Variants in CNNM1 observed in about 807,000 individuals in gnomAD.
CNNM1 encodes the protein metal transporter CNNM1.
A neutral mutation model predicts 78.8 loss-of-function variants in CNNM1; 44 were observed. The observed-to-expected ratio is 0.56, with a 90% CI of 0.44 to 0.72. The LOEUF (loss-of-function observed/expected upper bound fraction) is 0.72, where lower values mean the gene tolerates loss of function less well. CNNM1 is among the 30% of genes least tolerant of loss of function. The pLI, the probability that CNNM1 is intolerant of heterozygous loss-of-function variation, is 0.00. For missense variants in CNNM1, 1,101 were observed against 1,292.2 expected, an observed-to-expected ratio of 0.85 and a Z score of 2.27; for synonymous variants, 584 against 581.5, an observed-to-expected ratio of 1.00 and a Z score of -0.06.
rs144852175 is a variant in CNNM1 at position 99,351,652 on chromosome 10, C to A, written c.1574-5860C>A. ...TCCTGCCTGTGATAAAGCCCTCATC[C>A]CTGTTCACCATTTCCGCCTGCACAA... On this transcript the variant is annotated intron_variant, in intron 1 of 10. Coordinates refer to ENST00000356713, the MANE Select transcript of CNNM1 (RefSeq NM_020348.3). 1.5e-4 allele frequency among the ~76,000 whole-genome samples: 23 copies of A among 152,276 alleles called. No individual in the cohort carries two copies. In the East Asian group the frequency reaches 4.2e-3, roughly 28 times the overall value.
At position 99,358,807 on chromosome 10, in the gene CNNM1, T is replaced by TG. The variant is rs1405947913; in HGVS notation, c.1717+1155dup. ...TGATTTAGAATTCTCAGGTGTAGCC[T>TG]GGGCAACATGGTGAAACCCCATCTC... is the stretch of plus-strand genomic sequence containing the variant. On this transcript the variant is annotated intron_variant, in intron 2 of 10. Coordinates refer to ENST00000356713, the MANE Select transcript of CNNM1 (RefSeq NM_020348.3). Among the ~76,000 whole-genome samples the TG allele has an allele frequency of 3.9e-5, 6 of 152,142 alleles. No homozygotes were observed. The South Asian group carries it at 1.2e-3, about 32-fold the overall frequency.
intron 1 of CNNM1, among the ~76,000 whole-genome samples, chr10:99,336,459 C>G (rs2030192577): frequency 6.6e-6 from 1 of 152,206 alleles, no homozygotes. Context: ...ATGAATTTCT[C>G]AGAGAGTGTC....
chr10:99,335,031 C>A (rs1347862525), intron 1 of CNNM1, among the ~76,000 whole-genome samples: 6 of 152,232 alleles, frequency 3.9e-5, no homozygotes, highest in Non-Finnish European at 7.3e-5. Context: ...CCCTGCTACA[C>A]CTGTCTTATT....
At position 99,372,972 on chromosome 10, in the gene CNNM1, A is replaced by G. The variant is rs76982491; in HGVS notation, c.2177-4083A>G. On this transcript the variant is annotated intron_variant, in intron 6 of 10. Coordinates refer to ENST00000356713, the MANE Select transcript of CNNM1 (RefSeq NM_020348.3). ...CATTGTTTTTACTTTAAAAAAAAAG[A>G]CATGTTTTTCCTCCTCCCAGCACAA... 1.6e-4 allele frequency among the ~76,000 whole-genome samples: 24 copies of G among 152,202 alleles called. No individual in the cohort carries two copies. In the East Asian group the frequency reaches 4.0e-3, roughly 26 times the overall value.
At chr10:99,383,668 G>C (rs114834475) in intron 7 of CNNM1, among the ~76,000 whole-genome samples, 2 of 152,326 alleles carry the variant, frequency 1.3e-5, no homozygotes, top group Non-Finnish European at 2.9e-5. Flanking sequence ...CCCTTAAACA[G>C]GTATGGAAGG....
intron 2 of CNNM1, among the ~76,000 whole-genome samples, chr10:99,359,024 A>T (rs938904590): frequency 2.0e-5 from 3 of 150,648 alleles, no homozygotes; most frequent in Admixed American, 6.6e-5. Flanking sequence ...AAAAAAAAAA[A>T]AAAAAAAAAA....
intron 3 of CNNM1, among the ~76,000 whole-genome samples, chr10:99,361,216 G>A (rs2031421862): frequency 6.6e-6 from 1 of 152,182 alleles, no homozygotes; most frequent in Admixed American, 6.5e-5. Context: ...CCAGAGAAAA[G>A]AGCTAAAGAA....
intron 6 of CNNM1, chr10:99,368,267 C>T: frequency 4.0e-6 from 1 of 250,390 alleles, no homozygotes; most frequent in Non-Finnish European, 8.0e-6. Context: ...GAATGCAGCG[C>T]TGGGCTCCCA....
rs2032362924 is a variant in CNNM1 at position 99,388,070 on chromosome 10, C to G, written c.2524+67C>G. ...GTGAGGATGACCCTGCCTTCCTCTT[C>G]TAGCCCTTCCCAGGGCTCACACCAC... is the stretch of plus-strand genomic sequence containing the variant. On this transcript the variant is annotated intron_variant, in intron 8 of 10. Transcript: ENST00000356713. The G allele has an allele frequency of 3.8e-6, 6 of 1,590,324 alleles. No individual in the cohort carries two copies. In the East Asian group the frequency reaches 1.3e-4, roughly 36 times the overall value.
chr10:99,364,400 C>CT lies in CNNM1; in HGVS notation c.2029-5dup, dbSNP rs368559277. The CT allele has an allele frequency of 0.086, 90,890 of 1,062,198 alleles. 1 individual carries two copies. Among genetic ancestry groups the CT allele is most frequent in the Non-Finnish European group, 0.097 (73,049 of 751,670 alleles). 65.8% of individuals were successfully genotyped at this position (1,062,198 alleles called of 1,614,324 possible). A position where few individuals can be genotyped will look rare whatever the true frequency, so the allele number is the denominator to read the frequency against. ...CTCATACACATTCATAGTACACTTC[C>CT]TTTTTTTTTTTTCCAGGGTAAAGTG... On this transcript the variant is annotated splice_polypyrimidine_tract_variant and intron_variant, in intron 4 of 10. Transcript: ENST00000356713.
intron 1 of CNNM1, among the ~76,000 whole-genome samples, chr10:99,356,484 GAA>G (rs1431792661): frequency 2.1e-5 from 1 of 47,462 alleles, no homozygotes; most frequent in African/African-American, 1.1e-4. Context: ...CAGAAAGAAA[GAA>G]AGAGAGAGAG....
chr10:99,362,562 C>T (rs941839964), intron 4 of CNNM1, among the ~76,000 whole-genome samples, 166 bp downstream of exon 4: 1 of 152,172 alleles, frequency 6.6e-6, no homozygotes, highest in Non-Finnish European at 1.5e-5. Flanking sequence ...GGGGCCTAGA[C>T]ATGGAAGACT....
At chr10:99,350,203 C>T (rs1481694227) in intron 1 of CNNM1, among the ~76,000 whole-genome samples, 1 of 152,144 alleles carries the variant, frequency 6.6e-6, no homozygotes, top group Non-Finnish European at 1.5e-5. Flanking sequence ...ACACTCAATG[C>T]TGTCTACCAA....
In CNNM1 at chr10:99,377,164, C is replaced by T. The variant is rs374569554; in HGVS notation, c.2286C>T (p.Asn762=). 1.2e-4 allele frequency: 190 copies of T among 1,613,656 alleles called. 1 individual carries two copies. The South Asian group carries it at 1.9e-3, about 16-fold the overall frequency. The change falls in exon 7 of 11, where the codon AAC becomes AAT. Residue 762 remains asparagine, a synonymous_variant. Coordinates refer to ENST00000356713, the MANE Select transcript of CNNM1 (RefSeq NM_020348.3). ...SNTQLYSSSN[N]LYMPDYSVHI... ...CCCAGCTGTACAGCAGCAGCAACAA[C>T]CTCTACATGCCTGACTACTCAGTCC...
chr10:99,348,338 G>A (rs936718197), intron 1 of CNNM1, among the ~76,000 whole-genome samples: 3 of 152,098 alleles, frequency 2.0e-5, no homozygotes, highest in African/African-American at 2.4e-5. Flanking sequence ...AAGCCACGGC[G>A]CCCAGCCTTA....
At chr10:99,339,178 G>C (rs1008945701) in intron 1 of CNNM1, among the ~76,000 whole-genome samples, 24 of 152,172 alleles carry the variant, frequency 1.6e-4, no homozygotes, top group African/African-American at 5.5e-4. Flanking sequence ...TGCTCCACCT[G>C]TACACTAGCA....
Position 99,388,425 on chromosome 10 carries a change from C to T in CNNM1, c.2674+124C>T, listed in dbSNP as rs115928391. The T allele has an allele frequency of 5.8e-4, 614 of 1,061,246 alleles. 2 individuals carry two copies. In the African/African-American group the frequency reaches 9.0e-3, roughly 16 times the overall value. 65.7% of individuals were successfully genotyped at this position (1,061,246 alleles called of 1,614,324 possible). A position where few individuals can be genotyped will look rare whatever the true frequency, so the allele number is the denominator to read the frequency against. ...GCAGCCCGTGCGTTAAACCTCCGAC[C>T]TCCTTACACAGCCAGGGAAAGGAAA... On this transcript the variant is annotated intron_variant, in intron 9 of 10. Coordinates refer to ENST00000356713, the MANE Select transcript of CNNM1 (RefSeq NM_020348.3).
At chr10:99,343,720 G>GT (rs746730524) in intron 1 of CNNM1, among the ~76,000 whole-genome samples, 1 of 150,990 alleles carries the variant, frequency 6.6e-6, no homozygotes, top group African/African-American at 2.5e-5. Context: ...GTTTTGTTTT[G>GT]TTTTTTTGTT....
rs1370688120 is a variant in CNNM1, at chr10:99,348,048, A to T, written c.1574-9464A>T. Among the ~76,000 whole-genome samples, 26 of 132,886 alleles carry T rather than the reference A, an allele frequency of 2.0e-4. No individual in the cohort carries two copies. In the Middle Eastern group the frequency reaches 0.011, roughly 56 times the overall value. The allele number at this position is 132,886 out of a possible 152,430, so 87.2% of individuals were successfully genotyped here. On this transcript the variant is annotated intron_variant, in intron 1 of 10. Transcript: ENST00000356713. The stretch of plus-strand genomic sequence containing the variant: ...TGTGTGTGTGTGTGTGTATATATAT[A>T]TATTTTTTTTTTTTGAGACAACATC...
Sources: gnomAD v4.1 joint callset for allele counts (sites outside exome capture counted in the v4.1 genomes callset) on GRCh38, gnomAD v4.1.1 for gene constraint, MANE v1.5 for transcripts, NCBI Gene and HGNC (gene_info 2026-07-23, HGNC 2026-07-21) for gene names.